Variants in HPSE2 observed in about 807,000 individuals in gnomAD.
HPSE2 encodes heparanase 2 (inactive), also known as inactive heparanase-2.
In HPSE2, 38 loss-of-function variants were observed where a neutral mutation model predicts 60.5. That is an observed-to-expected ratio of 0.63 (90% CI 0.48 to 0.82). The LOEUF (loss-of-function observed/expected upper bound fraction) is 0.82, where lower values mean the gene tolerates loss of function less well. Ranked by LOEUF, HPSE2 falls within the 40% of genes least tolerant of loss-of-function variation. HPSE2 has a pLI of 0.00. For synonymous variants in HPSE2, 295 were observed against 293.2 expected (o/e 1.01, Z -0.06); for missense variants, 713 against 740.4 (o/e 0.96, Z 0.43).
intron 2 of HPSE2, among the ~76,000 whole-genome samples, chr10:99,226,407 T>C (rs943207668): frequency 1.3e-5 from 2 of 152,090 alleles, no homozygotes; most frequent in African/African-American, 4.8e-5. Context: ...AGATGCAGTA[T>C]CTTTTGAAGA....
chr10:98,645,719 C>T (rs952981065), intron 6 of HPSE2, among the ~76,000 whole-genome samples: 2 of 152,162 alleles, frequency 1.3e-5, no homozygotes, highest in African/African-American at 4.8e-5. Flanking sequence ...TGGCTCAAGC[C>T]TGTAATCCCA....
At chr10:99,027,270 TAA>T (rs560490330) in intron 3 of HPSE2, among the ~76,000 whole-genome samples, 3 of 128,386 alleles carry the variant, frequency 2.3e-5, no homozygotes, top group Non-Finnish European at 3.4e-5. Flanking sequence ...AAATCAGAAA[TAA>T]AAAAAAAAAA....
intron 3 of HPSE2, among the ~76,000 whole-genome samples, chr10:98,975,403 T>G (rs1956060875): frequency 6.6e-6 from 1 of 152,146 alleles, no homozygotes; most frequent in African/African-American, 2.4e-5. Context: ...GAAATTCAAC[T>G]TGAGGCACCA....
chr10:99,223,235 C>T (rs1300895712), intron 2 of HPSE2, among the ~76,000 whole-genome samples: 1 of 152,080 alleles, frequency 6.6e-6, no homozygotes, highest in African/African-American at 2.4e-5. Flanking sequence ...ACAGTACTTT[C>T]CTCATAGGGT....
chr10:98,737,635 T>C (rs1481835964), intron 4 of HPSE2, among the ~76,000 whole-genome samples: 1 of 152,126 alleles, frequency 6.6e-6, no homozygotes, highest in Non-Finnish European at 1.5e-5. Flanking sequence ...AGTCTCAGGA[T>C]ACAAAATCAG....
At chr10:98,867,088 T>A (rs1202047330) in intron 3 of HPSE2, among the ~76,000 whole-genome samples, 1 of 152,134 alleles carries the variant, frequency 6.6e-6, no homozygotes, top group African/African-American at 2.4e-5. Context: ...TAACAGAGTT[T>A]ATAGGTCATG....
chr10:98,491,053 A>G (rs549985723), intron 9 of HPSE2, among the ~76,000 whole-genome samples: 3 of 152,330 alleles, frequency 2.0e-5, no homozygotes, highest in Non-Finnish European at 4.4e-5. Flanking sequence ...CTCACTGTAT[A>G]AAACAGGGCT....
At chr10:98,901,414 C>A (rs1269641897) in intron 3 of HPSE2, among the ~76,000 whole-genome samples, 4 of 152,198 alleles carry the variant, frequency 2.6e-5, no homozygotes, top group Admixed American at 2.0e-4. Flanking sequence ...TTAGGGAAAT[C>A]TCTGAGCAAA....
At chr10:98,580,416 A>G (rs1453726520) in intron 9 of HPSE2, among the ~76,000 whole-genome samples, 1 of 151,912 alleles carries the variant, frequency 6.6e-6, no homozygotes, top group Non-Finnish European at 1.5e-5. Context: ...TCTCCATTTT[A>G]TAACTTTTCT....
At chr10:99,191,542 G>A (rs917179433) in intron 2 of HPSE2, among the ~76,000 whole-genome samples, 3 of 152,222 alleles carry the variant, frequency 2.0e-5, no homozygotes, top group Admixed American at 6.5e-5. Context: ...GACACTGCAT[G>A]AGCCACACTG....
chr10:98,489,981 G>A, intron 10 of HPSE2, 70 bp downstream of exon 10: 1 of 1,580,622 alleles, frequency 6.3e-7, no homozygotes, highest in South Asian at 1.1e-5. Context: ...GATGAGTCTT[G>A]AAGGGGTCCC....
At chr10:99,053,864 A>G (rs1320207448) in intron 3 of HPSE2, among the ~76,000 whole-genome samples, 1 of 150,182 alleles carries the variant, frequency 6.7e-6, no homozygotes, top group East Asian at 2.0e-4. Context: ...GAATGCTGGG[A>G]CTACAGGTGC....
chr10:98,663,948 G>C (rs1209121337), intron 6 of HPSE2, among the ~76,000 whole-genome samples: 1 of 152,126 alleles, frequency 6.6e-6, no homozygotes, highest in Non-Finnish European at 1.5e-5. Context: ...TGAACACTGT[G>C]GGTAGGCTCA....
At chr10:99,114,981 G>C (rs1477815643) in intron 3 of HPSE2, among the ~76,000 whole-genome samples, 1 of 150,400 alleles carries the variant, frequency 6.6e-6, no homozygotes, top group African/African-American at 2.4e-5. Context: ...TTTTTTGTTT[G>C]CTTGTTTGTT....
intron 3 of HPSE2, among the ~76,000 whole-genome samples, chr10:98,971,808 A>G (rs1398539156): frequency 1.3e-5 from 2 of 152,120 alleles, no homozygotes; most frequent in African/African-American, 2.4e-5. Flanking sequence ...GGGCATAAAC[A>G]CATAAGTGAA....
Position 98,660,320 on chromosome 10 carries a change from T to G in HPSE2, c.1005-18380A>C, listed in dbSNP as rs548146921. Among the ~76,000 whole-genome samples the G allele has an allele frequency of 6.9e-4, 105 of 152,294 alleles. 1 individual carries two copies. The highest frequency in any genetic ancestry group is 2.4e-3 in the African/African-American group (99 of 41,544). ...TCTTTTTTCCCTTTTCCTGTTGTGT[T>G]GGGTGGTTTTATTACTTTAGAACTG... On this transcript the variant is annotated intron_variant, in intron 6 of 11. Coordinates refer to ENST00000370552, the MANE Select transcript of HPSE2 (RefSeq NM_021828.5).
intron 9 of HPSE2, among the ~76,000 whole-genome samples, chr10:98,599,547 G>T (rs911988092): frequency 6.6e-6 from 1 of 152,176 alleles, no homozygotes; most frequent in African/African-American, 2.4e-5. Flanking sequence ...CTGGTCCCAT[G>T]GGGGCCTGAC....
rs559312511 is a variant in HPSE2, at chr10:98,605,628, A to G, written c.1320+9276T>C. Among the ~76,000 whole-genome samples, 7 of 152,334 alleles carry G rather than the reference A, an allele frequency of 4.6e-5. No individual in the cohort carries two copies. In the South Asian group the frequency reaches 1.5e-3, roughly 32 times the overall value. On this transcript the variant is annotated intron_variant, in intron 9 of 11. Transcript: ENST00000370552. The stretch of plus-strand genomic sequence containing the variant: ...CCAAGTTCAGTCGGGGATCCCAGAT[A>G]AAGGGCCAGGCAGTGAGATACACCA...
At chr10:98,626,116 A>AT (rs1946204684) in intron 7 of HPSE2, among the ~76,000 whole-genome samples, 1 of 91,380 alleles carries the variant, frequency 1.1e-5, no homozygotes, top group Non-Finnish European at 2.4e-5. Flanking sequence ...AAAAAAAAAA[A>AT]AGAAAAAGAA....
Sources: gnomAD v4.1 joint callset for allele counts (sites outside exome capture counted in the v4.1 genomes callset) on GRCh38, gnomAD v4.1.1 for gene constraint, MANE v1.5 for transcripts, NCBI Gene and HGNC (gene_info 2026-07-23, HGNC 2026-07-21) for gene names.